Variants in MBNL1 observed in about 807,000 individuals in gnomAD.
MBNL1 encodes muscleblind like splicing regulator 1.
MBNL1 carries 8 observed loss-of-function variants against 42.2 expected under a neutral mutation model. That is an observed-to-expected ratio of 0.19 (90% CI 0.11 to 0.34). MBNL1 has a LOEUF of 0.34. Ranked by LOEUF, MBNL1 falls within the 10% of genes least tolerant of loss-of-function variation. The probability of loss-of-function intolerance (pLI) is 1.00; values close to 1 mark genes in which losing one functional copy is unlikely to be tolerated. For missense variants in MBNL1, 309 were observed against 495.3 expected (o/e 0.62, Z 3.57); for synonymous variants, 169 against 173.9 (o/e 0.97, Z 0.22).
chr3:152,260,403 C>T (rs2036058378), intron 2 of MBNL1, among the ~76,000 whole-genome samples: 1 of 152,122 alleles, frequency 6.6e-6, no homozygotes, highest in Non-Finnish European at 1.5e-5. Flanking sequence ...CTAGCATTAT[C>T]TTCAAATGAG....
At chr3:152,269,203 T>G in intron 1 of MBNL1, 111 bp downstream of exon 1, 1 of 387,176 alleles carries the variant, frequency 2.6e-6, no homozygotes, top group Non-Finnish European at 5.2e-6. Context: ...GCCGCGGTTC[T>G]CCCGGGCAGG....
At chr3:152,434,025 C>T (rs2099045080) in intron 4 of MBNL1, among the ~76,000 whole-genome samples, 1 of 152,168 alleles carries the variant, frequency 6.6e-6, no homozygotes, top group East Asian at 1.9e-4. Flanking sequence ...TTCCTCTTTT[C>T]CCTGGTGAGG....
chr3:152,421,962 C>T (rs1364442214), intron 3 of MBNL1, among the ~76,000 whole-genome samples: 2 of 147,700 alleles, frequency 1.4e-5, no homozygotes, highest in African/African-American at 5.0e-5. Flanking sequence ...CTCGTACCGA[C>T]CACTAAAAAA....
At chr3:152,268,884 G>A, upstream of MBNL1, 2 of 454,352 alleles carry the variant, frequency 4.4e-6, no homozygotes, top group South Asian at 3.1e-5. Context: ...CAGCAGCAGC[G>A]GAAGCCAGAC....
intron 1 of MBNL1, among the ~76,000 whole-genome samples, chr3:152,286,318 ACAAATATT>A (rs1216992839): frequency 6.9e-6 from 1 of 144,488 alleles, no homozygotes; most frequent in African/African-American, 2.5e-5. Context: ...TATTTATAAT[ACAAATATT>A]TAATTATATT....
chr3:152,337,299 G>C (rs972141891), intron 2 of MBNL1, among the ~76,000 whole-genome samples: 13 of 152,150 alleles, frequency 8.5e-5, no homozygotes, highest in African/African-American at 3.1e-4. Context: ...CTTAGACAGT[G>C]ATTAGTCTAT....
intron 2 of MBNL1, among the ~76,000 whole-genome samples, chr3:152,355,663 C>T (rs1560270342): frequency 6.6e-6 from 1 of 152,020 alleles, no homozygotes; most frequent in Non-Finnish European, 1.5e-5. Context: ...TAGTATGCAA[C>T]AGATATGACA....
intron 2 of MBNL1, among the ~76,000 whole-genome samples, chr3:152,377,622 T>C (rs2096967877): frequency 6.6e-6 from 1 of 152,222 alleles, no homozygotes; most frequent in South Asian, 2.1e-4. Context: ...TTGATGGAAT[T>C]GAAACCTATA....
rs1463347263 is a variant in MBNL1 at position 152,463,373 on chromosome 3, CAA to C, written c.*1013_*1014del. ...GATTGCCATTTCTGAGACACAGTAA[CAA>C]AAAAATGAGGAAATTATTTTGCTTC... is the stretch of plus-strand genomic sequence containing the variant. On this transcript the variant is annotated 3_prime_UTR_variant, in exon 10 of 10. Transcript: ENST00000324210. 3 of 151,984 alleles carry C rather than the reference CAA, an allele frequency of 2.0e-5. No homozygotes were observed. Among genetic ancestry groups the C allele is most frequent in the Non-Finnish European group, 4.4e-5 (3 of 67,806 alleles). 9.4% of individuals were successfully genotyped at this position (151,984 alleles called of 1,614,324 possible).
intron 2 of MBNL1, among the ~76,000 whole-genome samples, chr3:152,308,558 C>T (rs1425341402): frequency 6.6e-6 from 1 of 152,106 alleles, no homozygotes; most frequent in South Asian, 2.1e-4. Context: ...CCTGTGTAAC[C>T]TTTAGGGTGG....
chr3:152,439,240 A>T (rs1367509222), intron 4 of MBNL1, among the ~76,000 whole-genome samples: 1 of 152,226 alleles, frequency 6.6e-6, no homozygotes, highest in Non-Finnish European at 1.5e-5. Context: ...GGCAGAAAAA[A>T]ATATAATACC....
intron 2 of MBNL1, among the ~76,000 whole-genome samples, chr3:152,329,972 A>G (rs374517390): frequency 6.6e-6 from 1 of 152,106 alleles, no homozygotes; most frequent in East Asian, 1.9e-4. Context: ...TATATCATAC[A>G]AAAATATTTA....
intron 2 of MBNL1, among the ~76,000 whole-genome samples, chr3:152,401,956 T>A (rs1376988759): frequency 6.8e-6 from 1 of 147,144 alleles, no homozygotes; most frequent in Non-Finnish European, 1.5e-5. Flanking sequence ...GGCGTGAACC[T>A]GGGAGGCAGA....
rs368338716 is a variant in MBNL1, at chr3:152,249,374, A to G, written n.333+4934A>G. Among the ~76,000 whole-genome samples, 4 of 136,800 alleles carry G rather than the reference A, an allele frequency of 2.9e-5. No individual in the cohort carries two copies. The South Asian group carries it at 7.5e-4, about 26-fold the overall frequency. 89.7% of individuals were successfully genotyped at this position (136,800 alleles called of 152,430 possible). A position where few individuals can be genotyped will look rare whatever the true frequency, so the allele number is the denominator to read the frequency against. ...TGCATTTCTCTGATGGCCAGTGATG[A>G]TGAGCATTTTTTCATGTGTTTTTTG... On this transcript the variant is annotated intron_variant and non_coding_transcript_variant, in intron 2 of 2. Transcript: ENST00000477171.
At chr3:152,404,323 T>C (rs1253382848) in intron 2 of MBNL1, among the ~76,000 whole-genome samples, 1 of 152,228 alleles carries the variant, frequency 6.6e-6, no homozygotes, top group African/African-American at 2.4e-5. Flanking sequence ...CTGTCCCATC[T>C]AGAAGGCTGA....
chr3:152,369,353 A>T (rs889399925), intron 2 of MBNL1, among the ~76,000 whole-genome samples: 99 of 152,312 alleles, frequency 6.5e-4, no homozygotes, highest in African/African-American at 2.4e-3. Context: ...CACCCCAGGG[A>T]TGAAGCTGAC....
intron 3 of MBNL1, among the ~76,000 whole-genome samples, chr3:152,419,481 A>G (rs989444058): frequency 1.3e-5 from 2 of 151,572 alleles, no homozygotes; most frequent in African/African-American, 4.9e-5. Flanking sequence ...GGGTCAGGGA[A>G]CTCCCTTCCC....
intron 2 of MBNL1, among the ~76,000 whole-genome samples, chr3:152,347,068 T>C (rs2094382946): frequency 6.6e-6 from 1 of 151,962 alleles, no homozygotes; most frequent in Admixed American, 6.6e-5. Context: ...TTTCAAAGTT[T>C]AGGATTGAGA....
chr3:152,312,843 T>C (rs1039198880), intron 2 of MBNL1, among the ~76,000 whole-genome samples: 11 of 152,310 alleles, frequency 7.2e-5, no homozygotes, highest in Admixed American at 5.2e-4. Flanking sequence ...TATGCTCTTT[T>C]CTTTGGGATG....
Sources: allele counts gnomAD v4.1 joint callset (sites outside exome capture counted in the v4.1 genomes callset), GRCh38; gene constraint gnomAD v4.1.1; transcripts MANE v1.5; gene names NCBI Gene and HGNC (gene_info 2026-07-23, HGNC 2026-07-21).